STK4: variants seen among roughly 807,000 people sequenced by gnomAD.
STK4 encodes serine/threonine-protein kinase 4.
A neutral mutation model predicts 64.9 loss-of-function variants in STK4; 30 were observed. The ratio of observed to expected loss-of-function variants is 0.46; its 90% CI spans 0.35 to 0.63. The LOEUF (loss-of-function observed/expected upper bound fraction) is 0.63, where lower values mean the gene tolerates loss of function less well. Among genes scored for constraint, STK4 ranks in the 20% least tolerant of loss-of-function variants. The probability of loss-of-function intolerance (pLI) is 0.01; values close to 1 mark genes in which losing one functional copy is unlikely to be tolerated. For missense variants in STK4, 466 were observed against 598.5 expected (o/e 0.78, Z 2.31); for synonymous variants, 177 against 199.0 (o/e 0.89, Z 0.93).
chr20:44,990,144 T>G (rs934693761), intron 5 of STK4, among the ~76,000 whole-genome samples: 3 of 152,226 alleles, frequency 2.0e-5, no homozygotes, highest in Non-Finnish European at 4.4e-5. Flanking sequence ...TACTGCCATT[T>G]TGGCAATATT....
rs2299974 is a variant in STK4, at chr20:45,006,021, T to C, written c.1147+4668T>C. ...TTGTTCTTTTCTAGATGATTTACTT[T>C]TTTCTCTTTTTTTCATTTTCCTGAA... On this transcript the variant is annotated intron_variant, in intron 9 of 10. Coordinates refer to ENST00000372806, the MANE Select transcript of STK4 (RefSeq NM_006282.5). Among the ~76,000 whole-genome samples the C allele has an allele frequency of 5.9e-3, 892 of 151,902 alleles. 31 individuals carry two copies. In the East Asian group the frequency reaches 0.098, roughly 17 times the overall value.
At chr20:44,968,707 G>GC (rs2067195699) in intron 1 of STK4, among the ~76,000 whole-genome samples, 1 of 152,260 alleles carries the variant, frequency 6.6e-6, no homozygotes, top group East Asian at 1.9e-4. Context: ...AAGTTTCTTG[G>GC]CATGCTCATT....
intron 10 of STK4, among the ~76,000 whole-genome samples, chr20:45,025,516 TCTC>T (rs2068329033): frequency 6.6e-6 from 1 of 152,192 alleles, no homozygotes; most frequent in Non-Finnish European, 1.5e-5. Context: ...TGCTAACTAT[TCTC>T]CTAATTTTAA....
intron 9 of STK4, among the ~76,000 whole-genome samples, chr20:45,018,951 C>T (rs891691958): frequency 3.9e-5 from 6 of 152,062 alleles, no homozygotes; most frequent in East Asian, 3.9e-4. Context: ...AGGCTAGTCT[C>T]GAACTCGTGG....
intron 10 of STK4, among the ~76,000 whole-genome samples, chr20:45,044,809 C>T (rs6103985): frequency 6.6e-6 from 1 of 152,114 alleles, no homozygotes; most frequent in African/African-American, 2.4e-5. Flanking sequence ...TAGCTGGGAC[C>T]TTGGGTGAGT....
chr20:45,020,829 T>TG (rs1319195876), intron 9 of STK4, among the ~76,000 whole-genome samples: 1 of 147,608 alleles, frequency 6.8e-6, no homozygotes, highest in African/African-American at 2.5e-5. Context: ...TTTTTTTTTT[T>TG]GAGACAGGGT....
chr20:45,010,307 C>A (rs1403910632), intron 9 of STK4, among the ~76,000 whole-genome samples: 1 of 152,038 alleles, frequency 6.6e-6, no homozygotes, highest in African/African-American at 2.4e-5. Flanking sequence ...CCTTGTGATC[C>A]GCCTGCCTCT....
intron 9 of STK4, among the ~76,000 whole-genome samples, chr20:45,001,659 A>G (rs1041906397): frequency 2.0e-5 from 3 of 152,214 alleles, no homozygotes; most frequent in Non-Finnish European, 2.9e-5. Flanking sequence ...AGGCAAGCAC[A>G]TGCATTGTTT....
At chr20:44,997,331 C>A in intron 7 of STK4, 25 bp downstream of exon 7, 1 of 1,561,028 alleles carries the variant, frequency 6.4e-7, no homozygotes, top group Non-Finnish European at 8.6e-7. Flanking sequence ...GTGATGCCAT[C>A]TCGCTCCATT....
At chr20:45,001,443 T>G (rs1012014763) in intron 9 of STK4, 90 bp downstream of exon 9, 1 of 1,418,416 alleles carries the variant, frequency 7.1e-7, no homozygotes, top group African/African-American at 1.4e-5. Context: ...AGGCTTAGCC[T>G]TGGGTTCTTT....
In STK4 at chr20:45,011,307, G is replaced by A. The variant is rs576697513; in HGVS notation, c.1147+9954G>A. Among the ~76,000 whole-genome samples the A allele has an allele frequency of 1.6e-4, 25 of 152,206 alleles. 1 individual carries two copies. The South Asian group carries it at 4.2e-3, about 25-fold the overall frequency. Reference sequence around the variant, plus strand: ...TGTATTAAGTTAATGGGTTATAATCGTGTTCCCATTTGAGTTCACAAATCC... The same window carrying A: ...TGTATTAAGTTAATGGGTTATAATCATGTTCCCATTTGAGTTCACAAATCC... On this transcript the variant is annotated intron_variant, in intron 9 of 10. Coordinates refer to ENST00000372806, the MANE Select transcript of STK4 (RefSeq NM_006282.5).
intron 10 of STK4, among the ~76,000 whole-genome samples, chr20:45,051,258 C>G (rs2068772684): frequency 6.6e-6 from 1 of 152,154 alleles, no homozygotes; most frequent in Non-Finnish European, 1.5e-5. Flanking sequence ...ACCAAAAGGC[C>G]TTTAGTGCTA....
At chr20:45,034,105 C>A (rs1224113679) in intron 10 of STK4, among the ~76,000 whole-genome samples, 1 of 151,628 alleles carries the variant, frequency 6.6e-6, no homozygotes, top group South Asian at 2.1e-4. Flanking sequence ...TAATTCAGAA[C>A]CTGTGGGAGG....
chr20:44,993,253 TACAC>T (rs11472178), intron 5 of STK4, among the ~76,000 whole-genome samples: 41 of 151,174 alleles, frequency 2.7e-4, no homozygotes, highest in Middle Eastern at 3.4e-3. Context: ...GATATATATG[TACAC>T]ACACACATAC....
At chr20:45,062,108 GA>G (rs1252646964) in intron 10 of STK4, among the ~76,000 whole-genome samples, 28 of 152,172 alleles carry the variant, frequency 1.8e-4, no homozygotes, top group Admixed American at 4.6e-4. Context: ...TGAAATTCCT[GA>G]CCTCAAATGA....
chr20:44,982,872 G>GT (rs1300653836), intron 4 of STK4, among the ~76,000 whole-genome samples: 1,954 of 152,280 alleles, frequency 0.013, 40 homozygotes, highest in African/African-American at 0.044. Context: ...ACTATTAATA[G>GT]AAAAGATATA....
At chr20:45,035,236 A>G (rs1183442317) in intron 10 of STK4, among the ~76,000 whole-genome samples, 1 of 152,084 alleles carries the variant, frequency 6.6e-6, no homozygotes, top group East Asian at 1.9e-4. Context: ...TGTGGAGAGA[A>G]CTTTAGTTTT....
chr20:44,982,026 C>T, intron 4 of STK4, 83 bp downstream of exon 4: 8 of 874,962 alleles, frequency 9.1e-6, no homozygotes, highest in Non-Finnish European at 1.5e-5. Context: ...GGGCATTCTC[C>T]TACTAGAGAG....
intron 5 of STK4, among the ~76,000 whole-genome samples, chr20:44,994,500 C>G (rs547926451): frequency 1.5e-5 from 2 of 132,216 alleles, no homozygotes; most frequent in South Asian, 4.7e-4. Context: ...TTTTTTTTTT[C>G]TTTTTAATAT....
Sources: gnomAD v4.1 joint callset for allele counts (sites outside exome capture counted in the v4.1 genomes callset) on GRCh38, gnomAD v4.1.1 for gene constraint, MANE v1.5 for transcripts, NCBI Gene and HGNC (gene_info 2026-07-23, HGNC 2026-07-21) for gene names.